The following SLC28A3 variants were observed in gnomAD, a reference collection of about 807,000 sequenced individuals.
The protein encoded by SLC28A3 is solute carrier family 28 member 3.
A neutral mutation model predicts 84.2 loss-of-function variants in SLC28A3; 68 were observed. The ratio of observed to expected loss-of-function variants is 0.81; its 90% CI spans 0.66 to 0.99. The LOEUF is 0.99. Ranked by LOEUF, SLC28A3 falls within the 50% of genes least tolerant of loss-of-function variation. The pLI is 0.00. For synonymous variants in SLC28A3, 267 were observed against 303.6 expected (o/e 0.88, Z 1.25); for missense variants, 712 against 841.5 (o/e 0.85, Z 1.90).
chr9:84,323,426 A>AT (rs398011264), intron 1 of SLC28A3, among the ~76,000 whole-genome samples: 61,444 of 141,086 alleles, frequency 0.44, 14,525 homozygotes, highest in African/African-American at 0.63. Flanking sequence ...TCAGTACATG[A>AT]TTTTTTTTTT....
chr9:84,345,396 A>G (rs1827232825), upstream of SLC28A3, among the ~76,000 whole-genome samples: 1 of 152,238 alleles, frequency 6.6e-6, no homozygotes, highest in South Asian at 2.1e-4. Context: ...ATCTAGTTGA[A>G]GGTTATGGAT....
chr9:84,287,990 C>G, intron 12 of SLC28A3, 58 bp downstream of exon 12: 1 of 1,608,650 alleles, frequency 6.2e-7, no homozygotes, highest in African/African-American at 1.3e-5. Context: ...ACATTGACTC[C>G]TGGAGTCCCC....
chr9:84,338,483 C>T (rs1827055405), intron 1 of SLC28A3, among the ~76,000 whole-genome samples: 1 of 152,120 alleles, frequency 6.6e-6, no homozygotes, highest in Admixed American at 6.6e-5. Flanking sequence ...TTCAATCAAT[C>T]CAATGAGTAA....
chr9:84,360,098 T>C, the SLC28A3 span, among the ~76,000 whole-genome samples: 1 of 151,726 alleles, frequency 6.6e-6, no homozygotes, highest in Admixed American at 6.6e-5. Flanking sequence ...ACCTTGAACC[T>C]GTAAGGCTTT....
At chr9:84,320,215 C>T (rs1312139126) in intron 1 of SLC28A3, among the ~76,000 whole-genome samples, 11 of 139,716 alleles carry the variant, frequency 7.9e-5, no homozygotes, top group African/African-American at 2.4e-4. Flanking sequence ...ACACCCTGCT[C>T]ATTTTTTTTT....
intron 1 of SLC28A3, among the ~76,000 whole-genome samples, chr9:84,314,286 G>A (rs774614461): frequency 1.4e-4 from 21 of 152,032 alleles, no homozygotes; most frequent in Admixed American, 2.0e-4. Flanking sequence ...AGGGCCGTCC[G>A]GACCCCTCAG....
Position 84,301,033 on chromosome 9 carries a change from C to A in SLC28A3, c.524+1167G>T, listed in dbSNP as rs147196513. On this transcript the variant is annotated intron_variant, in intron 5 of 17. Coordinates refer to ENST00000376238, the MANE Select transcript of SLC28A3 (RefSeq NM_001199633.2). ...TACCCCGTAAATATATATACACCTA[C>A]GACATACCCACAACAATTAAAAATT... is the stretch of plus-strand genomic sequence containing the variant. Among the ~76,000 whole-genome samples, 17 of 152,054 alleles carry A rather than the reference C, an allele frequency of 1.1e-4. No individual in the cohort carries two copies. In the East Asian group the frequency reaches 3.3e-3, roughly 30 times the overall value.
chr9:84,317,811 A>G (rs1192231804), intron 1 of SLC28A3, among the ~76,000 whole-genome samples: 2 of 152,106 alleles, frequency 1.3e-5, no homozygotes, highest in African/African-American at 4.8e-5. Flanking sequence ...AGTTAATTTC[A>G]TGGTTTAGTT....
chr9:84,354,586 G>A, the SLC28A3 span, among the ~76,000 whole-genome samples: 3 of 152,226 alleles, frequency 2.0e-5, no homozygotes, highest in East Asian at 1.9e-4. Flanking sequence ...AGTGGCTCAC[G>A]CCAGTAATCC....
At chr9:84,346,372 C>G in the SLC28A3 span, among the ~76,000 whole-genome samples, 4 of 152,156 alleles carry the variant, frequency 2.6e-5, no homozygotes, top group South Asian at 2.1e-4. Context: ...AGTGAAGTCA[C>G]TCTTGGTGAC....
In SLC28A3 at chr9:84,299,833, C is replaced by T. The variant is rs549620049; in HGVS notation, c.525-108G>A. The T allele has an allele frequency of 1.4e-4, 181 of 1,294,104 alleles. 1 individual carries two copies. Among genetic ancestry groups the T allele is most frequent in the Non-Finnish European group, 1.7e-4 (163 of 965,524 alleles). 80.2% of individuals were successfully genotyped at this position (1,294,104 alleles called of 1,614,324 possible). A position where few individuals can be genotyped will look rare whatever the true frequency, so the allele number is the denominator to read the frequency against. On this transcript the variant is annotated intron_variant, in intron 5 of 17. Coordinates refer to ENST00000376238, the MANE Select transcript of SLC28A3 (RefSeq NM_001199633.2). The stretch of plus-strand genomic sequence containing the variant: ...TGAGAGATGGAGTCTTGCTCTGTTG[C>T]CCAGGCTGGAGTAGAATGGAGCGAT...
rs71869137 is a variant in SLC28A3 at position 84,309,868 on chromosome 9, A to AT, written c.157-155dup. The stretch of plus-strand genomic sequence containing the variant: ...GGCTCCTATTATCTACTGCACAGAC[A>AT]TTTTTTTTCCCGGCTTATAATCTCA... On this transcript the variant is annotated intron_variant, in intron 2 of 17. Coordinates refer to ENST00000376238, the MANE Select transcript of SLC28A3 (RefSeq NM_001199633.2). 7.9e-5 allele frequency among the ~76,000 whole-genome samples: 12 copies of AT among 151,974 alleles called. No homozygotes were observed. In the South Asian group the frequency reaches 1.7e-3, roughly 21 times the overall value.
chr9:84,333,687 T>C (rs1330546019), intron 1 of SLC28A3, among the ~76,000 whole-genome samples: 1 of 152,212 alleles, frequency 6.6e-6, no homozygotes, highest in African/African-American at 2.4e-5. Flanking sequence ...ATACTCACTC[T>C]GCTGATAGGC....
chr9:84,283,453 G>A (rs1824847253), intron 14 of SLC28A3, among the ~76,000 whole-genome samples: 1 of 152,228 alleles, frequency 6.6e-6, no homozygotes, highest in Non-Finnish European at 1.5e-5. Context: ...CACAGGCACT[G>A]ATGTGGAAAG....
chr9:84,297,958 A>C lies in SLC28A3; in HGVS notation c.731T>G (p.Leu244Arg). ...AGCTATAAATCCAGGGTCAGTCCTTAGAATCAAGAGCCCAAGAAGAAACTG... is the reference window on the plus strand; with the variant it reads ...AGCTATAAATCCAGGGTCAGTCCTTCGAATCAAGAGCCCAAGAAGAAACTG... ...GLQFLLGLLI[L>R]RTDPGFIAFD... Residue 244 changes from leucine (L) to arginine (R), a missense_variant, in exon 7 of 18, where the codon CTA becomes CGA. By Grantham distance (102) the Leu-to-Arg change is moderately radical (BLOSUM62 -2). Coordinates refer to ENST00000376238, the MANE Select transcript of SLC28A3 (RefSeq NM_001199633.2). 2 of 1,612,686 alleles carry C rather than the reference A, an allele frequency of 1.2e-6. No individual in the cohort carries two copies. The highest frequency in any genetic ancestry group is 1.7e-6 in the Non-Finnish European group (2 of 1,179,714).
intron 1 of SLC28A3, among the ~76,000 whole-genome samples, chr9:84,337,853 A>T (rs1401428639): frequency 6.6e-6 from 1 of 152,152 alleles, no homozygotes; most frequent in Non-Finnish European, 1.5e-5. Context: ...CTCATGTATG[A>T]AGTGTGCTCT....
intron 2 of SLC28A3, among the ~76,000 whole-genome samples, chr9:84,311,216 C>T (rs896267313): frequency 6.6e-6 from 1 of 152,090 alleles, no homozygotes; most frequent in African/African-American, 2.4e-5. Context: ...ACTCCTCAGC[C>T]TTCATATCCT....
chr9:84,360,002 C>CA, the SLC28A3 span, among the ~76,000 whole-genome samples: 1,715 of 55,752 alleles, frequency 0.031, 17 homozygotes, highest in African/African-American at 0.052. Flanking sequence ...AACTCTGTCT[C>CA]AAAAAAAAAA....
At chr9:84,328,753 T>TAAAAACA (rs1826667884) in intron 1 of SLC28A3, among the ~76,000 whole-genome samples, 1 of 151,314 alleles carries the variant, frequency 6.6e-6, no homozygotes, top group African/African-American at 2.4e-5. Context: ...AGTGAGACTC[T>TAAAAACA]AAAAACAAAA....
Sources: gnomAD v4.1 joint callset for allele counts (sites outside exome capture counted in the v4.1 genomes callset) on GRCh38, gnomAD v4.1.1 for gene constraint, MANE v1.5 for transcripts, NCBI Gene and HGNC (gene_info 2026-07-23, HGNC 2026-07-21) for gene names.